The following METTL25 variants were observed in gnomAD, a reference collection of about 807,000 sequenced individuals.
METTL25 encodes the protein probable methyltransferase-like protein 25.
In METTL25, 64 loss-of-function variants were observed where a neutral mutation model predicts 71.6. That is an observed-to-expected ratio of 0.89 (90% CI 0.73 to 1.10). METTL25 has a LOEUF of 1.10. METTL25 is among the 50% of genes least tolerant of loss of function. METTL25 has a pLI of 0.00. For synonymous variants in METTL25, 287 were observed against 250.3 expected, an observed-to-expected ratio of 1.15 and a Z score of -1.38; for missense variants, 807 against 707.0, an observed-to-expected ratio of 1.14 and a Z score of -1.60.
intron 5 of METTL25, among the ~76,000 whole-genome samples, chr12:82,412,759 T>A (rs1887650187): frequency 6.6e-6 from 1 of 152,070 alleles, no homozygotes. Flanking sequence ...AATATTTATG[T>A]CCTTTTAAGT....
intron 1 of METTL25, among the ~76,000 whole-genome samples, chr12:82,365,830 C>T (rs1000633560): frequency 6.6e-6 from 1 of 152,296 alleles, no homozygotes; most frequent in South Asian, 2.1e-4. Context: ...CGCCTGCAAT[C>T]CCAGCACTTT....
intron 5 of METTL25, among the ~76,000 whole-genome samples, chr12:82,419,874 G>A (rs1315168561): frequency 6.6e-6 from 1 of 152,078 alleles, no homozygotes; most frequent in African/African-American, 2.4e-5. Flanking sequence ...TGTATCTAAA[G>A]GAATTGAAAT....
intron 5 of METTL25, among the ~76,000 whole-genome samples, chr12:82,423,276 AAAC>A (rs1405597551): frequency 6.6e-5 from 10 of 152,246 alleles, no homozygotes; most frequent in African/African-American, 1.9e-4. Context: ...AACCTGACAA[AAAC>A]AACAAATGGG....
chr12:82,459,701 C>G lies in METTL25; in HGVS notation c.1572+2881C>G, dbSNP rs565839636. On this transcript the variant is annotated intron_variant, in intron 9 of 11. Transcript: ENST00000248306. The stretch of plus-strand genomic sequence containing the variant: ...TGTTTTTGATGGGCTTATTATTAGG[C>G]TGAACACAGATGAGGAAAGAATCTG... Among the ~76,000 whole-genome samples, 7 of 152,220 alleles carry G rather than the reference C, an allele frequency of 4.6e-5. 1 individual carries two copies. The highest frequency in any genetic ancestry group is 4.6e-4 in the Admixed American group (7 of 15,284).
intron 5 of METTL25, among the ~76,000 whole-genome samples, chr12:82,407,269 C>G (rs990826249): frequency 6.6e-6 from 1 of 152,106 alleles, no homozygotes; most frequent in Non-Finnish European, 1.5e-5. Context: ...TTAACAGATT[C>G]TCAAGCATTA....
intron 4 of METTL25, among the ~76,000 whole-genome samples, chr12:82,401,345 TTAAAG>T (rs1886606409): frequency 6.6e-6 from 1 of 152,114 alleles, no homozygotes; most frequent in African/African-American, 2.4e-5. Context: ...AATTTGTAAT[TTAAAG>T]TAAATTACAA....
Position 82,430,890 on chromosome 12 carries a change from C to G in METTL25, c.1280-3C>G. ...ATAATCCGTATTTTTCCCCCATCTG[C>G]AGAACGTACTCAGGAAAAGTGGGGA... On this transcript the variant is annotated splice_polypyrimidine_tract_variant and splice_region_variant and intron_variant, in intron 5 of 11. Transcript: ENST00000248306. 1 of 1,536,270 alleles carries G rather than the reference C, an allele frequency of 6.5e-7. No homozygotes were observed. Among genetic ancestry groups the G allele is most frequent in the Non-Finnish European group, 8.9e-7 (1 of 1,119,672 alleles).
chr12:82,382,163 T>C (rs562001013), intron 1 of METTL25, among the ~76,000 whole-genome samples: 1 of 152,336 alleles, frequency 6.6e-6, no homozygotes, highest in Middle Eastern at 3.4e-3. Flanking sequence ...ACCTTTTGAA[T>C]TGAAGACATC....
At chr12:82,433,707 T>G (rs189174474) in intron 6 of METTL25, among the ~76,000 whole-genome samples, 10 of 151,586 alleles carry the variant, frequency 6.6e-5, no homozygotes, top group African/African-American at 2.2e-4. Flanking sequence ...CTTATACTTA[T>G]GAAAAGATAT....
chr12:82,394,584 G>T (rs1885910624), intron 3 of METTL25, among the ~76,000 whole-genome samples: 1 of 151,824 alleles, frequency 6.6e-6, no homozygotes, highest in Non-Finnish European at 1.5e-5. Flanking sequence ...CATGTTCCAG[G>T]CATTATTTTC....
At chr12:82,408,009 G>A (rs1887236364) in intron 5 of METTL25, 2 of 973,354 alleles carry the variant, frequency 2.1e-6, no homozygotes, top group African/African-American at 3.5e-5. Flanking sequence ...CTGCCTAGCT[G>A]AGTCGAATTT....
At position 82,476,628 on chromosome 12, in the gene METTL25, G is replaced by GT. The variant is rs1714306442; in HGVS notation, c.1573-10dup. ...TTAAACTATCGTTAAATTTATTGTT[G>GT]TTTTTTATCTTGAAGCTGCCAGAAA... On this transcript the variant is annotated splice_polypyrimidine_tract_variant and intron_variant, in intron 9 of 11. Coordinates refer to ENST00000248306, the MANE Select transcript of METTL25 (RefSeq NM_032230.3). 2.6e-6 allele frequency: 4 copies of GT among 1,521,238 alleles called. No individual in the cohort carries two copies. Among genetic ancestry groups the GT allele is most frequent in the Non-Finnish European group, 3.6e-6 (4 of 1,107,902 alleles). 94.2% of individuals were successfully genotyped at this position (1,521,238 alleles called of 1,614,324 possible). A position where few individuals can be genotyped will look rare whatever the true frequency, so the allele number is the denominator to read the frequency against.
intron 3 of METTL25, among the ~76,000 whole-genome samples, chr12:82,391,027 A>G (rs1056271690): frequency 6.6e-6 from 1 of 152,116 alleles, no homozygotes; most frequent in Middle Eastern, 3.2e-3. Context: ...ATCAGTTAAT[A>G]TAACAGCAAG....
At chr12:82,413,355 T>C (rs1017120145) in intron 5 of METTL25, among the ~76,000 whole-genome samples, 9 of 152,058 alleles carry the variant, frequency 5.9e-5, no homozygotes, top group Non-Finnish European at 1.2e-4. Context: ...ACTGAAGATA[T>C]CTAAATGAAA....
chr12:82,442,899 CTAAAA>C (rs1890454942), intron 8 of METTL25, among the ~76,000 whole-genome samples: 2 of 150,376 alleles, frequency 1.3e-5, no homozygotes, highest in South Asian at 4.2e-4. Context: ...AAGAAAATGA[CTAAAA>C]TCAAGAAATT....
chr12:82,434,745 A>G, intron 7 of METTL25, 21 bp downstream of exon 7: 1 of 1,605,498 alleles, frequency 6.2e-7, no homozygotes. Flanking sequence ...GTGTTAACTG[A>G]TGAACACGAC....
rs535744655 is a variant in METTL25, at chr12:82,438,440, A to G, written c.1405-278A>G. 187 of 240,560 alleles carry G rather than the reference A, an allele frequency of 7.8e-4. 1 individual carries two copies. The highest frequency in any genetic ancestry group is 4.1e-3 in the African/African-American group (180 of 43,664). 14.9% of individuals were successfully genotyped at this position (240,560 alleles called of 1,614,324 possible). A position where few individuals can be genotyped will look rare whatever the true frequency, so the allele number is the denominator to read the frequency against. ...CTCATTTTTAACTGGTAAGGACTCT[A>G]TTTGGGCATTAGCTTATTGTTCATT... On this transcript the variant is annotated intron_variant, in intron 7 of 11. Coordinates refer to ENST00000248306, the MANE Select transcript of METTL25 (RefSeq NM_032230.3).
intron 8 of METTL25, among the ~76,000 whole-genome samples, chr12:82,453,057 T>C (rs1052800713): frequency 6.6e-6 from 1 of 152,196 alleles, no homozygotes; most frequent in African/African-American, 2.4e-5. Flanking sequence ...AATTAACATG[T>C]ATAACATTTG....
intron 1 of METTL25, among the ~76,000 whole-genome samples, chr12:82,381,161 G>T (rs1217787760): frequency 6.6e-6 from 1 of 152,104 alleles, no homozygotes; most frequent in Non-Finnish European, 1.5e-5. Flanking sequence ...TACATGGTAG[G>T]TACCCCTGAA....
Sources: gnomAD v4.1 joint callset for allele counts (sites outside exome capture counted in the v4.1 genomes callset) on GRCh38, gnomAD v4.1.1 for gene constraint, MANE v1.5 for transcripts, NCBI Gene and HGNC (gene_info 2026-07-23, HGNC 2026-07-21) for gene names.